The following CRMP1 variants were observed in gnomAD, a reference collection of about 807,000 sequenced individuals.
CRMP1 encodes dihydropyrimidinase-related protein 1.
A neutral mutation model predicts 68.3 loss-of-function variants in CRMP1; 19 were observed. That is an observed-to-expected ratio of 0.28 (90% CI 0.19 to 0.41). CRMP1 has a LOEUF of 0.41. Ranked by LOEUF, CRMP1 falls within the 10% of genes least tolerant of loss-of-function variation. The pLI is 1.00. For missense variants in CRMP1, 791 were observed against 967.4 expected, an observed-to-expected ratio of 0.82 and a Z score of 2.42; for synonymous variants, 439 against 399.6, an observed-to-expected ratio of 1.10 and a Z score of -1.18.
In CRMP1 at chr4:5,891,209, CACA is replaced by C. The variant is rs1715933843; in HGVS notation, c.381+1377_381+1379del. On this transcript the variant is annotated intron_variant, in intron 1 of 13. Transcript: ENST00000324989. The surrounding 1 kb of genome is among the most constrained non-coding windows in gnomAD (Gnocchi z 5.2). ...ACACACACACACACACACACACACA[CACA>C]CCCTTGCTGTTGGACCTCTCCCTCG... Among the ~76,000 whole-genome samples the C allele has an allele frequency of 2.6e-5, 4 of 151,730 alleles. No individual in the cohort carries two copies. Among genetic ancestry groups the C allele is most frequent in the African/African-American group, 9.7e-5 (4 of 41,364 alleles).
Position 5,852,042 on chromosome 4 carries a change from G to A in CRMP1, c.821-573C>T, listed in dbSNP as rs79528881. ...GAGGAAAACTCCCCAGGCTGAGAGG[G>A]AGGGGTGTGGTAAGGATAAGGAAGG... On this transcript the variant is annotated intron_variant, in intron 4 of 13. Coordinates refer to ENST00000324989, the MANE Select transcript of CRMP1 (RefSeq NM_001014809.3). Among the ~76,000 whole-genome samples, 1,252 of 152,274 alleles carry A rather than the reference G, an allele frequency of 8.2e-3. 17 individuals are homozygous for A. The highest frequency in any genetic ancestry group is 0.028 in the African/African-American group (1,175 of 41,532).
rs779025762 is a variant in CRMP1 at position 5,892,201 on chromosome 4, C to A, written c.381+388G>T. Among the ~76,000 whole-genome samples the A allele has an allele frequency of 6.6e-6, 1 of 152,144 alleles. No homozygotes were observed. The highest frequency in any genetic ancestry group is 1.5e-5 in the Non-Finnish European group (1 of 68,034). On this transcript the variant is annotated intron_variant, in intron 1 of 13. Coordinates refer to ENST00000324989, the MANE Select transcript of CRMP1 (RefSeq NM_001014809.3). This position sits in a 1 kb window ranked among gnomAD's most constrained non-coding sequence, Gnocchi z 8.6. The stretch of plus-strand genomic sequence containing the variant: ...GATGGATGAATGGACCAACACGGAA[C>A]GGAGCTCCAGTTCTTTTCACAAAAC...
At chr4:5,824,089 A>C (rs1242605319) in intron 13 of CRMP1, among the ~76,000 whole-genome samples, 1 of 152,130 alleles carries the variant, frequency 6.6e-6, no homozygotes, top group African/African-American at 2.4e-5. Flanking sequence ...TTTTAACTTC[A>C]TTGTTATTCT....
In CRMP1 at chr4:5,888,339, C is replaced by A; in HGVS notation, c.381+4250G>T. On this transcript the variant is annotated intron_variant, in intron 1 of 13. Transcript: ENST00000324989. This position sits in a 1 kb window ranked among gnomAD's most constrained non-coding sequence, Gnocchi z 6.4. ...TGACTGGAACCGGCGCTCTCGGCCC[C>A]GCTCCCAGCGGGCGCGCTGACAAAG... The A allele has an allele frequency of 8.1e-7, 1 of 1,235,698 alleles. No homozygotes were observed. Among genetic ancestry groups the A allele is most frequent in the Non-Finnish European group, 1.0e-6 (1 of 985,324 alleles). The allele number at this position is 1,235,698 out of a possible 1,614,324, so 76.5% of individuals were successfully genotyped here.
chr4:5,849,840 G>A (rs1285208164), intron 5 of CRMP1, among the ~76,000 whole-genome samples: 2 of 152,164 alleles, frequency 1.3e-5, no homozygotes, highest in African/African-American at 4.8e-5. Context: ...AGAAGTCACT[G>A]TTAGTTTTAC....
At chr4:5,864,499 T>A (rs1713836498) in intron 2 of CRMP1, among the ~76,000 whole-genome samples, 1 of 152,228 alleles carries the variant, frequency 6.6e-6, no homozygotes, top group Non-Finnish European at 1.5e-5. Context: ...CCTCACCACC[T>A]GATGGCCAGC....
intron 8 of CRMP1, among the ~76,000 whole-genome samples, chr4:5,840,498 G>T (rs563016742): frequency 9.2e-5 from 14 of 152,236 alleles, no homozygotes; most frequent in African/African-American, 3.4e-4. Context: ...CCCGGCTCTA[G>T]GGCAGCCCAT....
chr4:5,824,296 A>C, intron 13 of CRMP1: 3 of 985,374 alleles, frequency 3.0e-6, no homozygotes, highest in Non-Finnish European at 3.6e-6. Flanking sequence ...GACTTTTAGC[A>C]TTCTATTTAG....
chr4:5,874,709 A>T (rs1714688965), intron 1 of CRMP1, among the ~76,000 whole-genome samples: 1 of 152,142 alleles, frequency 6.6e-6, no homozygotes, highest in South Asian at 2.1e-4. Context: ...AGAGAAAAGG[A>T]AGAAGAGATA....
At chr4:5,828,078 G>A in intron 12 of CRMP1, 1 of 985,414 alleles carries the variant, frequency 1.0e-6, no homozygotes, top group Non-Finnish European at 1.2e-6. Context: ...TTGCTCCACA[G>A]GGCCAGACCC....
At chr4:5,833,820 G>A (rs552315584) in intron 11 of CRMP1, among the ~76,000 whole-genome samples, 157 of 152,188 alleles carry the variant, frequency 1.0e-3, no homozygotes, top group African/African-American at 3.3e-3. Flanking sequence ...CCACACGGGC[G>A]GATCACGAGG....
chr4:5,868,290 T>TATATATATATATATAG (rs1205965019), intron 1 of CRMP1, among the ~76,000 whole-genome samples: 5 of 131,372 alleles, frequency 3.8e-5, no homozygotes, highest in African/African-American at 9.8e-5. Flanking sequence ...TATATATATA[T>TATATATATATATATAG]ATATATATAT....
In CRMP1 at chr4:5,892,766, G is replaced by T; in HGVS notation, c.204C>A (p.Gly68=). The part of the protein sequence containing the change: ...RGSARTPRSA[G]RPDAVGLPGP... ...CTGGCAGCCCGACCGCGTCGGGCCG[G>T]CCAGCGCTGCGCGGCGTGCGCGCCG... Residue 68 remains glycine (G), a synonymous_variant, in exon 1 of 14, where the codon GGC becomes GGA. Transcript: ENST00000324989. This position sits in a 1 kb window ranked among gnomAD's most constrained non-coding sequence, Gnocchi z 8.6. The T allele has an allele frequency of 7.9e-7, 1 of 1,260,930 alleles. No individual in the cohort carries two copies. The allele number at this position is 1,260,930 out of a possible 1,614,324, so 78.1% of individuals were successfully genotyped here.
intron 1 of CRMP1, among the ~76,000 whole-genome samples, chr4:5,871,147 A>T (rs1388856891): frequency 6.6e-6 from 1 of 152,236 alleles, no homozygotes; most frequent in Non-Finnish European, 1.5e-5. Flanking sequence ...CCCAGGCTCC[A>T]AGCCCTTAGT....
chr4:5,867,804 G>C (rs1714103291), intron 1 of CRMP1, among the ~76,000 whole-genome samples: 1 of 152,060 alleles, frequency 6.6e-6, no homozygotes, highest in Non-Finnish European at 1.5e-5. Flanking sequence ...CGCAGACCCA[G>C]AAAATAAGTC....
chr4:5,825,718 C>G lies in CRMP1; in HGVS notation c.1804-59G>C. On this transcript the variant is annotated intron_variant, in intron 12 of 13. Transcript: ENST00000324989. This position sits in a 1 kb window ranked among gnomAD's most constrained non-coding sequence, Gnocchi z 4.4. ...CACTGTGCATGTGTGCCCTTCTGGG[C>G]AGATAAAGCAGAGCCCTGCGGGCGA... 6.4e-7 allele frequency: 1 copy of G among 1,563,470 alleles called. No homozygotes were observed.
In CRMP1 at chr4:5,826,006, C is replaced by G. The variant is rs1719548894; in HGVS notation, c.1804-347G>C. ...CTACACAGTAGCATACACGCGTGAA[C>G]ACGCACACACACTTAAATCACATAC... On this transcript the variant is annotated intron_variant, in intron 12 of 13. Coordinates refer to ENST00000324989, the MANE Select transcript of CRMP1 (RefSeq NM_001014809.3). 3 of 348,392 alleles carry G rather than the reference C, an allele frequency of 8.6e-6. No individual in the cohort carries two copies. In the South Asian group the frequency reaches 9.4e-5, roughly 11 times the overall value. The allele number at this position is 348,392 out of a possible 1,614,324, so 21.6% of individuals were successfully genotyped here.
At chr4:5,835,441 T>A (rs144829069) in intron 11 of CRMP1, among the ~76,000 whole-genome samples, 1 of 152,188 alleles carries the variant, frequency 6.6e-6, no homozygotes, top group Non-Finnish European at 1.5e-5. Context: ...CCCATAACTA[T>A]GGGCATGGAA....
intron 1 of CRMP1, among the ~76,000 whole-genome samples, chr4:5,878,627 A>G (rs1030801429): frequency 1.3e-5 from 2 of 152,156 alleles, no homozygotes; most frequent in Non-Finnish European, 2.9e-5. Context: ...GCCAGACTGC[A>G]CCTAACGATA....
Sources: allele counts gnomAD v4.1 joint callset (sites outside exome capture counted in the v4.1 genomes callset), GRCh38; gene constraint gnomAD v4.1.1; non-coding constraint Gnocchi (gnomAD v3.1); transcripts MANE v1.5; gene names NCBI Gene and HGNC (gene_info 2026-07-23, HGNC 2026-07-21).